Variants in LRRC39 observed in about 807,000 individuals in gnomAD.
The protein encoded by LRRC39 is leucine rich repeat containing 39, also known as leucine-rich repeat-containing protein 39.
A neutral mutation model predicts 39.7 loss-of-function variants in LRRC39; 35 were observed. The observed-to-expected ratio is 0.88, with a 90% CI of 0.67 to 1.17. The LOEUF (loss-of-function observed/expected upper bound fraction) is 1.17, where lower values mean the gene tolerates loss of function less well. Among genes scored for constraint, LRRC39 ranks in the 50% most tolerant of loss-of-function variants. The probability of loss-of-function intolerance (pLI) is 0.00; values close to 1 mark genes in which losing one functional copy is unlikely to be tolerated. For missense variants in LRRC39, 357 were observed against 385.8 expected, an observed-to-expected ratio of 0.93 and a Z score of 0.62; for synonymous variants, 113 against 134.1, an observed-to-expected ratio of 0.84 and a Z score of 1.09.
At chr1:100,170,223 AAAG>A (rs1366369935) in intron 2 of LRRC39, among the ~76,000 whole-genome samples, 1 of 152,232 alleles carries the variant, frequency 6.6e-6, no homozygotes, top group Non-Finnish European at 1.5e-5. Context: ...TAATAGCTAA[AAAG>A]TGGCAACAAC....
Position 100,148,855 on chromosome 1 carries a change from C to A in LRRC39, c.*187G>T. ...AATTTGAGCATCATCTGTCTTCCAC[C>A]AAAAAAAATTTTTTAATTATATTTT... On this transcript the variant is annotated 3_prime_UTR_variant, in exon 10 of 10. Coordinates refer to ENST00000370137, the MANE Select transcript of LRRC39 (RefSeq NM_144620.4). The A allele has an allele frequency of 2.3e-6, 3 of 1,309,358 alleles. No individual in the cohort carries two copies. The highest frequency in any genetic ancestry group is 3.0e-5 in the East Asian group (1 of 33,518). 81.1% of individuals were successfully genotyped at this position (1,309,358 alleles called of 1,614,324 possible).
At chr1:100,156,748 G>A (rs1658469036) in intron 6 of LRRC39, among the ~76,000 whole-genome samples, 1 of 152,148 alleles carries the variant, frequency 6.6e-6, no homozygotes. Context: ...TAGGCAATTT[G>A]GTAGTTAGGA....
chr1:100,165,460 G>A (rs1371066683), intron 3 of LRRC39, among the ~76,000 whole-genome samples: 1 of 152,094 alleles, frequency 6.6e-6, no homozygotes, highest in African/African-American at 2.4e-5. Flanking sequence ...GACCAGGATT[G>A]ACCTTGGGCT....
At chr1:100,161,092 C>A (rs1400438780) in intron 3 of LRRC39, among the ~76,000 whole-genome samples, 2 of 151,998 alleles carry the variant, frequency 1.3e-5, no homozygotes, top group African/African-American at 4.8e-5. Flanking sequence ...TTATTAATAA[C>A]TTTTTTGAGG....
At position 100,168,594 on chromosome 1, in the gene LRRC39, C is replaced by G. The variant is rs1001328401; in HGVS notation, c.-78G>C. 2 of 1,033,320 alleles carry G rather than the reference C, an allele frequency of 1.9e-6. No homozygotes were observed. The highest frequency in any genetic ancestry group is 3.2e-5 in the African/African-American group (2 of 61,670). 64.0% of individuals were successfully genotyped at this position (1,033,320 alleles called of 1,614,324 possible). On this transcript the variant is annotated splice_region_variant and 5_prime_UTR_variant, in exon 3 of 10. Coordinates refer to ENST00000370137, the MANE Select transcript of LRRC39 (RefSeq NM_144620.4). Reference sequence around the variant, plus strand: ...ATCATAGATACCATTTCAGAAAGGACCTAAATGTACCAGAGAAAAAAAGCA... The same window carrying G: ...ATCATAGATACCATTTCAGAAAGGAGCTAAATGTACCAGAGAAAAAAAGCA...
intron 3 of LRRC39, among the ~76,000 whole-genome samples, chr1:100,164,570 TG>T (rs1190772830): frequency 6.6e-6 from 1 of 152,240 alleles, no homozygotes; most frequent in Non-Finnish European, 1.5e-5. Context: ...GGGTTACCTT[TG>T]GTTGGTTTTA....
chr1:100,176,206 C>T (rs753491436), intron 1 of LRRC39, among the ~76,000 whole-genome samples: 6 of 152,240 alleles, frequency 3.9e-5, no homozygotes, highest in South Asian at 2.1e-4. Flanking sequence ...GCTGGTGGAT[C>T]GCTTGAGGTC....
intron 2 of LRRC39, among the ~76,000 whole-genome samples, chr1:100,171,503 CTTTT>C (rs748078318): frequency 2.3e-5 from 3 of 130,750 alleles, no homozygotes; most frequent in African/African-American, 5.6e-5. Context: ...TTTCTTTCTT[CTTTT>C]TTTTTTTTTT....
At chr1:100,168,706 A>G (rs530467014) in intron 2 of LRRC39, 112 bp from the exon 3 acceptor site, 15 of 507,980 alleles carry the variant, frequency 3.0e-5, no homozygotes, top group Non-Finnish European at 4.8e-5. Flanking sequence ...ACTATTTTAT[A>G]TACTTTACAT....
At chr1:100,177,633 C>T (rs1660053461) in intron 1 of LRRC39, among the ~76,000 whole-genome samples, 1 of 152,096 alleles carries the variant, frequency 6.6e-6, no homozygotes, top group African/African-American at 2.4e-5. Flanking sequence ...GCTAAATACT[C>T]GAATAAAAAT....
Position 100,160,516 on chromosome 1 carries a change from TG to T in LRRC39, c.168del (p.Thr57ProfsTer9), listed in dbSNP as rs1480452185. The T allele has an allele frequency of 6.2e-7, 1 of 1,613,962 alleles. No homozygotes were observed. The highest frequency in any genetic ancestry group is 1.7e-5 in the Admixed American group (1 of 60,000). On this transcript the variant is annotated frameshift_variant, in exon 4 of 10. Coordinates refer to ENST00000370137, the MANE Select transcript of LRRC39 (RefSeq NM_144620.4). LOFTEE classifies it high-confidence loss of function. ...RVSLTKLREK[V>X]TREDGRVILK... The stretch of plus-strand genomic sequence containing the variant: ...AAAATGACTCTTCCATCTTCCCTGG[TG>T]ACCTTTTCTCTTAGCTTGGTTAAGC...
intron 7 of LRRC39, among the ~76,000 whole-genome samples, chr1:100,155,510 TTATCTC>T (rs1419334678): frequency 6.6e-6 from 1 of 152,220 alleles, no homozygotes; most frequent in Non-Finnish European, 1.5e-5. Context: ...ATCAGGAAGT[TTATCTC>T]TACAGTACAA....
chr1:100,161,036 A>G (rs1453599442), intron 3 of LRRC39, among the ~76,000 whole-genome samples: 2 of 152,154 alleles, frequency 1.3e-5, no homozygotes, highest in Non-Finnish European at 2.9e-5. Flanking sequence ...AGTACCACAA[A>G]TGCCCTATTT....
intron 9 of LRRC39, 76 bp downstream of exon 9, chr1:100,152,305 TAATC>T (rs1658100710): frequency 6.0e-6 from 8 of 1,327,652 alleles, no homozygotes; most frequent in African/African-American, 2.9e-5. Context: ...ATAAAGGAAT[TAATC>T]AAAAGGCAGC....
intron 9 of LRRC39, among the ~76,000 whole-genome samples, chr1:100,151,353 T>C (rs1570759762): frequency 6.6e-6 from 1 of 152,214 alleles, no homozygotes; most frequent in Non-Finnish European, 1.5e-5. Context: ...TTCTCTGCTT[T>C]CCAAAACTAG....
At chr1:100,152,273 C>T (rs943726128) in intron 9 of LRRC39, 112 bp downstream of exon 9, 27 of 1,134,422 alleles carry the variant, frequency 2.4e-5, no homozygotes, top group Non-Finnish European at 2.3e-5. Flanking sequence ...TGACAGAAAA[C>T]TTAAGATGGA....
At chr1:100,172,760 A>G (rs963124140) in intron 2 of LRRC39, among the ~76,000 whole-genome samples, 3 of 152,092 alleles carry the variant, frequency 2.0e-5, no homozygotes, top group African/African-American at 7.2e-5. Flanking sequence ...GGAGATCAAG[A>G]CCATCCTGGC....
At chr1:100,160,390 A>G (rs1658786631) in intron 4 of LRRC39, 76 bp downstream of exon 4, 3 of 1,053,528 alleles carry the variant, frequency 2.8e-6, no homozygotes, top group East Asian at 2.5e-5. Flanking sequence ...TCTTAATTAC[A>G]CAGTCTCAGA....
intron 2 of LRRC39, among the ~76,000 whole-genome samples, chr1:100,171,562 G>A (rs1246714449): frequency 6.7e-6 from 1 of 149,908 alleles, no homozygotes; most frequent in Non-Finnish European, 1.5e-5. Context: ...GAGTGCAGAG[G>A]CGTGATCTCG....
Sources: gnomAD v4.1 joint callset for allele counts (sites outside exome capture counted in the v4.1 genomes callset) on GRCh38, gnomAD v4.1.1 for gene constraint, MANE v1.5 for transcripts, NCBI Gene and HGNC (gene_info 2026-07-23, HGNC 2026-07-21) for gene names.